KIF1A: variants seen among roughly 807,000 people sequenced by gnomAD.
KIF1A encodes the protein kinesin-like protein KIF1A.
In KIF1A, 46 loss-of-function variants were observed where a neutral mutation model predicts 227.3. The ratio of observed to expected loss-of-function variants is 0.20; its 90% CI spans 0.16 to 0.26. The LOEUF (loss-of-function observed/expected upper bound fraction) is 0.26, where lower values mean the gene tolerates loss of function less well. Among genes scored for constraint, KIF1A ranks in the 10% least tolerant of loss-of-function variants. KIF1A has a pLI of 1.00. For synonymous variants in KIF1A, 1,022 were observed against 1,012.8 expected, an observed-to-expected ratio of 1.01 and a Z score of -0.17; for missense variants, 1,683 against 2,485.9, an observed-to-expected ratio of 0.68 and a Z score of 6.87.
chr2:240,723,901 G>T, intron 41 of KIF1A, 74 bp downstream of exon 41: 1 of 1,262,824 alleles, frequency 7.9e-7, no homozygotes, highest in South Asian at 1.2e-5. Flanking sequence ...TGGCAGCTTC[G>T]CTGTGGTCAC....
intron 17 of KIF1A, among the ~76,000 whole-genome samples, 190 bp from the exon 18 acceptor site, chr2:240,767,535 C>T (rs960717600): frequency 5.9e-5 from 9 of 152,250 alleles, no homozygotes; most frequent in Admixed American, 2.6e-4. Flanking sequence ...AGCCGAAGGC[C>T]CAGCCCACCA....
chr2:240,744,939 C>G (rs935950553), intron 32 of KIF1A, among the ~76,000 whole-genome samples: 1 of 152,218 alleles, frequency 6.6e-6, no homozygotes, highest in Admixed American at 6.5e-5. Flanking sequence ...GTTCTCCCGC[C>G]TGGAGAAGGA....
Position 240,747,318 on chromosome 2 carries a change from T to A in KIF1A, c.2981A>T (p.Asp994Val). The A allele has an allele frequency of 6.2e-7, 1 of 1,612,838 alleles. No individual in the cohort carries two copies. Among genetic ancestry groups the A allele is most frequent in the Non-Finnish European group, 8.5e-7 (1 of 1,179,244 alleles). ...LRVAVQAISA[D>V]EEAPDYGSGV... ...AGAGCCATAATCAGGGGCCTCTTCA[T>A]CGGCTGCAGGAGAAACAGAGCAAAT... Residue 994 changes from aspartate (D) to valine (V), a missense_variant, in exon 29 of 49, where the codon GAT (aspartate) becomes GTT (valine). Around this residue, in one of 12 missense-constraint regions of KIF1A, gnomAD observed 759 missense variants for 1,020.2 expected, o/e 0.74. Coordinates refer to ENST00000498729, the MANE Select transcript of KIF1A (RefSeq NM_001244008.2).
intron 20 of KIF1A, among the ~76,000 whole-genome samples, 152 bp from the exon 21 acceptor site, chr2:240,763,498 C>T (rs942135013): frequency 6.6e-6 from 1 of 152,220 alleles, no homozygotes; most frequent in African/African-American, 2.4e-5. Context: ...CTCGCTGGGA[C>T]CTGAATGTGT....
intron 38 of KIF1A, among the ~76,000 whole-genome samples, chr2:240,730,952 T>C (rs1448622986): frequency 1.3e-5 from 2 of 152,188 alleles, no homozygotes; most frequent in African/African-American, 4.8e-5. Context: ...TGGTCAGTAC[T>C]GGCCCCACCC....
chr2:240,723,231 A>AC (rs1484681963), intron 42 of KIF1A, among the ~76,000 whole-genome samples, 182 bp downstream of exon 42: 1 of 151,996 alleles, frequency 6.6e-6, no homozygotes, highest in Non-Finnish European at 1.5e-5. Flanking sequence ...TCTGTCATAC[A>AC]CCACGCAGCC....
At chr2:240,776,674 T>C (rs2125988899) in intron 10 of KIF1A, among the ~76,000 whole-genome samples, 1 of 152,354 alleles carries the variant, frequency 6.6e-6, no homozygotes, top group East Asian at 1.9e-4. Context: ...TGTCTACTGG[T>C]TCATGTATGC....
intron 20 of KIF1A, among the ~76,000 whole-genome samples, 179 bp from the exon 21 acceptor site, chr2:240,763,525 T>C (rs1456448140): frequency 6.6e-6 from 1 of 152,184 alleles, no homozygotes; most frequent in African/African-American, 2.4e-5. Context: ...ACTCTCCCCA[T>C]AAATCCACCC....
chr2:240,746,209 C>T (rs2048579541), intron 29 of KIF1A, 32 bp from the exon 30 acceptor site: 7 of 1,548,120 alleles, frequency 4.5e-6, no homozygotes, highest in Non-Finnish European at 6.1e-6. Flanking sequence ...TCAGAGAGAG[C>T]CAGGAGCCAG....
rs372601809 is a variant in KIF1A, at chr2:240,769,618, G to C, written c.1421+9C>G. ...CCTCCCCCTGGGCCTCAGTTTCCCC[G>C]CTGCACACCTCTCCATCCGGATGGC... is the stretch of plus-strand genomic sequence containing the variant. On this transcript the variant is annotated intron_variant, in intron 16 of 48. Coordinates refer to ENST00000498729, the MANE Select transcript of KIF1A (RefSeq NM_001244008.2). 3 of 1,610,874 alleles carry C rather than the reference G, an allele frequency of 1.9e-6. No individual in the cohort carries two copies. The highest frequency in any genetic ancestry group is 1.7e-6 in the Non-Finnish European group (2 of 1,178,166).
At position 240,782,584 on chromosome 2, in the gene KIF1A, G is replaced by C. The variant is rs1290737564; in HGVS notation, c.882+6C>G. 2 of 1,552,460 alleles carry C rather than the reference G, an allele frequency of 1.3e-6. No homozygotes were observed. Among genetic ancestry groups the C allele is most frequent in the Non-Finnish European group, 1.7e-6 (2 of 1,147,878 alleles). On this transcript the variant is annotated splice_donor_region_variant and intron_variant, in intron 10 of 48. Coordinates refer to ENST00000498729, the MANE Select transcript of KIF1A (RefSeq NM_001244008.2). ...ACCTGCCCCGGGGCTGAAGGAAGCC[G>C]CTTACCTTGTTGGGTCCGGAGTCCT...
chr2:240,731,720 C>T (rs983799571), intron 38 of KIF1A, among the ~76,000 whole-genome samples: 4 of 152,186 alleles, frequency 2.6e-5, no homozygotes, highest in African/African-American at 7.2e-5. Flanking sequence ...CCTGGTGAGC[C>T]CTCCCCACTG....
At chr2:240,777,010 A>G (rs542507320) in intron 10 of KIF1A, among the ~76,000 whole-genome samples, 1 of 152,276 alleles carries the variant, frequency 6.6e-6, no homozygotes, top group Admixed American at 6.5e-5. Flanking sequence ...AGTAGGGACT[A>G]ACTCTACTCT....
intron 34 of KIF1A, among the ~76,000 whole-genome samples, chr2:240,742,709 A>C (rs2048126628): frequency 6.6e-6 from 1 of 151,818 alleles, no homozygotes; most frequent in Non-Finnish European, 1.5e-5. Flanking sequence ...TTGGCTCCCC[A>C]CACCTCTGCC....
At chr2:240,753,556 T>C (rs10180169) in intron 27 of KIF1A, among the ~76,000 whole-genome samples, 2,022 of 152,270 alleles carry the variant, frequency 0.013, 29 homozygotes, top group African/African-American at 0.045. Flanking sequence ...CATCCCATTA[T>C]GAAGCAACAT....
intron 1 of KIF1A, among the ~76,000 whole-genome samples, chr2:240,815,153 G>A (rs1289652356): frequency 6.6e-6 from 1 of 152,168 alleles, no homozygotes; most frequent in Admixed American, 6.5e-5. Context: ...GGGACCAGAT[G>A]ACACCAAGCA....
chr2:240,729,912 C>A (rs2046416243), intron 38 of KIF1A, among the ~76,000 whole-genome samples: 1 of 152,210 alleles, frequency 6.6e-6, no homozygotes, highest in South Asian at 2.1e-4. Flanking sequence ...TGGGCACAGC[C>A]ATGGTGCTGC....
chr2:240,751,973 G>A (rs1349174283), intron 27 of KIF1A, among the ~76,000 whole-genome samples: 12 of 151,988 alleles, frequency 7.9e-5, no homozygotes, highest in Admixed American at 2.0e-4. Flanking sequence ...CACCTCCCTC[G>A]CTTTCTGAGT....
intron 1 of KIF1A, among the ~76,000 whole-genome samples, chr2:240,801,700 G>C (rs561478512): frequency 1.3e-5 from 2 of 152,256 alleles, no homozygotes; most frequent in African/African-American, 4.8e-5. Context: ...ATGGGATCAT[G>C]CCCTTATGAA....
Sources: allele counts gnomAD v4.1 joint callset (sites outside exome capture counted in the v4.1 genomes callset), GRCh38; gene constraint gnomAD v4.1.1; regional missense constraint gnomAD v4.1.1; transcripts MANE v1.5; gene names NCBI Gene and HGNC (gene_info 2026-07-23, HGNC 2026-07-21).